The following SNX25 variants were observed in gnomAD, a reference collection of about 807,000 sequenced individuals.
The protein encoded by SNX25 is sorting nexin 25, also known as sorting nexin-25.
A neutral mutation model predicts 113.7 loss-of-function variants in SNX25; 62 were observed. That is an observed-to-expected ratio of 0.55 (90% CI 0.44 to 0.67). SNX25 has a LOEUF of 0.67. SNX25 is among the 30% of genes least tolerant of loss of function. SNX25 has a pLI of 0.00. For missense variants in SNX25, 1,014 were observed against 1,161.0 expected (o/e 0.87, Z 1.84); for synonymous variants, 421 against 436.2 (o/e 0.97, Z 0.43).
chr4:185,347,709 G>A (rs1287089534), intron 13 of SNX25, among the ~76,000 whole-genome samples: 1 of 152,146 alleles, frequency 6.6e-6, no homozygotes, highest in Non-Finnish European at 1.5e-5. Context: ...AACCTCAGAT[G>A]ATCTGCCCAC....
intron 1 of SNX25, among the ~76,000 whole-genome samples, chr4:185,219,582 G>A (rs1739465084): frequency 6.6e-6 from 1 of 151,958 alleles, no homozygotes. Context: ...AAAGAAAAAA[G>A]AAAAAATGTT....
intron 1 of SNX25, among the ~76,000 whole-genome samples, chr4:185,230,524 C>G (rs940097900): frequency 6.6e-6 from 1 of 151,938 alleles, no homozygotes; most frequent in African/African-American, 2.4e-5. Flanking sequence ...TCCCGAGTAG[C>G]TGGGATTACA....
chr4:185,234,280 C>T (rs936458731), intron 1 of SNX25, among the ~76,000 whole-genome samples: 10 of 152,210 alleles, frequency 6.6e-5, no homozygotes, highest in South Asian at 2.1e-4. Context: ...GGAAACATTA[C>T]GAAAGGAACC....
chr4:185,372,488 A>G (rs1017861203), downstream of SNX25, among the ~76,000 whole-genome samples: 1 of 152,258 alleles, frequency 6.6e-6, no homozygotes, highest in Non-Finnish European at 1.5e-5. Context: ...AGGATTTGGC[A>G]TAGAACATGT....
chr4:185,269,815 G>C (rs1427931101), intron 5 of SNX25, among the ~76,000 whole-genome samples: 1 of 152,120 alleles, frequency 6.6e-6, no homozygotes, highest in Admixed American at 6.6e-5. Context: ...GGCTCAAACA[G>C]TCCTCTCCCT....
chr4:185,257,372 T>C (rs990577080), intron 2 of SNX25, among the ~76,000 whole-genome samples: 1 of 152,136 alleles, frequency 6.6e-6, no homozygotes, highest in African/African-American at 2.4e-5. Flanking sequence ...CTTCACCTTC[T>C]TTCTAAATAG....
At chr4:185,284,829 CAATG>C (rs1449616029) in intron 5 of SNX25, among the ~76,000 whole-genome samples, 1 of 152,032 alleles carries the variant, frequency 6.6e-6, no homozygotes, top group African/African-American at 2.4e-5. Context: ...CAGCCTGAAA[CAATG>C]GTAGCTGAAG....
At chr4:185,233,031 G>T (rs1742089021) in intron 1 of SNX25, among the ~76,000 whole-genome samples, 1 of 152,138 alleles carries the variant, frequency 6.6e-6, no homozygotes. Context: ...CACCTGTTAT[G>T]CTAGCACTTT....
At chr4:185,361,878 C>T in intron 16 of SNX25, 46 bp from the exon 17 acceptor site, 3 of 1,593,578 alleles carry the variant, frequency 1.9e-6, no homozygotes, top group Non-Finnish European at 2.6e-6. Flanking sequence ...GAATAGAGTA[C>T]ACAATTTTTA....
chr4:185,323,257 A>G (rs1052977740), intron 8 of SNX25, among the ~76,000 whole-genome samples: 3 of 152,196 alleles, frequency 2.0e-5, no homozygotes, highest in Non-Finnish European at 2.9e-5. Context: ...TATTGCAGGA[A>G]GAGAACTGTT....
chr4:185,378,397 G>A, the SNX25 span: 26 of 1,372,762 alleles, frequency 1.9e-5, no homozygotes, highest in African/African-American at 3.4e-4. Context: ...CCCTAGCTGA[G>A]AGACAGCCAT....
intron 2 of SNX25, among the ~76,000 whole-genome samples, chr4:185,249,642 T>A (rs2126492921): frequency 6.6e-6 from 1 of 151,716 alleles, no homozygotes; most frequent in Middle Eastern, 3.4e-3. Flanking sequence ...TCTCTGTTCT[T>A]TAGATAGATA....
At chr4:185,214,793 G>C (rs1244257224) in intron 1 of SNX25, among the ~76,000 whole-genome samples, 1 of 152,206 alleles carries the variant, frequency 6.6e-6, no homozygotes, top group Non-Finnish European at 1.5e-5. Flanking sequence ...GTTGCTGAGT[G>C]CTAGTGTCAG....
intron 2 of SNX25, among the ~76,000 whole-genome samples, chr4:185,255,592 A>G (rs1199093255): frequency 6.6e-6 from 1 of 151,992 alleles, no homozygotes; most frequent in Non-Finnish European, 1.5e-5. Context: ...CCTTTTACAT[A>G]TATTTTTTCA....
At chr4:185,209,288 G>C (rs189906776), upstream of SNX25, 13 of 152,390 alleles carry the variant, frequency 8.5e-5, no homozygotes, top group Middle Eastern at 3.4e-3. This position sits in a 1 kb window ranked among gnomAD's most constrained non-coding sequence, Gnocchi z 5.2. Context: ...GAGGTTACTC[G>C]TCAGTGATGA....
At chr4:185,292,668 G>T (rs538890308) in intron 6 of SNX25, among the ~76,000 whole-genome samples, 4 of 152,300 alleles carry the variant, frequency 2.6e-5, no homozygotes, top group Middle Eastern at 3.4e-3. Context: ...CTCCCAAAGT[G>T]CTGGGATTAC....
chr4:185,285,260 T>A (rs999605448), intron 5 of SNX25, among the ~76,000 whole-genome samples: 1 of 152,214 alleles, frequency 6.6e-6, no homozygotes, highest in African/African-American at 2.4e-5. Context: ...ATTATAAATA[T>A]TACTGGCTGG....
chr4:185,286,041 G>C (rs1030689022), intron 5 of SNX25, among the ~76,000 whole-genome samples: 1 of 151,686 alleles, frequency 6.6e-6, no homozygotes, highest in African/African-American at 2.4e-5. Context: ...GCCTCCCTAA[G>C]TATTGGGATT....
At chr4:185,282,325 C>CTTAT (rs1158273921) in intron 5 of SNX25, among the ~76,000 whole-genome samples, 1 of 152,088 alleles carries the variant, frequency 6.6e-6, no homozygotes, top group Non-Finnish European at 1.5e-5. Context: ...CCATGTCCAG[C>CTTAT]TTATTTATTT....
Sources: gnomAD v4.1 joint callset for allele counts (sites outside exome capture counted in the v4.1 genomes callset) on GRCh38, gnomAD v4.1.1 for gene constraint, Gnocchi (gnomAD v3.1) non-coding constraint, MANE v1.5 for transcripts, NCBI Gene and HGNC (gene_info 2026-07-23, HGNC 2026-07-21) for gene names.